Variants in RFX7 observed in about 807,000 individuals in gnomAD.
RFX7 encodes DNA-binding protein RFX7.
A neutral mutation model predicts 111.8 loss-of-function variants in RFX7; 26 were observed. The observed-to-expected ratio is 0.23, with a 90% CI of 0.17 to 0.32. The LOEUF (loss-of-function observed/expected upper bound fraction) is 0.32, where lower values mean the gene tolerates loss of function less well. Among genes scored for constraint, RFX7 ranks in the 10% least tolerant of loss-of-function variants. The pLI, the probability that RFX7 is intolerant of heterozygous loss-of-function variation, is 1.00. For synonymous variants in RFX7, 624 were observed against 624.4 expected (o/e 1.00, Z 0.01); for missense variants, 1,573 against 1,772.9 (o/e 0.89, Z 2.02).
chr15:56,217,862 T>C lies in RFX7; in HGVS notation c.161+25263A>G, dbSNP rs566102900. 4.5e-4 allele frequency among the ~76,000 whole-genome samples: 69 copies of C among 152,308 alleles called. No individual in the cohort carries two copies. The Middle Eastern group carries it at 0.01, about 23-fold the overall frequency. ...TTCACTCAATCGAGCCAATCTGTCGTGTTTTACCTTTGATTTTTATTAGTT... is the reference window on the plus strand; with the variant it reads ...TTCACTCAATCGAGCCAATCTGTCGCGTTTTACCTTTGATTTTTATTAGTT... On this transcript the variant is annotated intron_variant, in intron 2 of 9. Coordinates refer to ENST00000559447, the MANE Select transcript of RFX7 (RefSeq NM_022841.7).
At chr15:56,156,639 T>C (rs758792824) in intron 3 of RFX7, among the ~76,000 whole-genome samples, 18 of 151,044 alleles carry the variant, frequency 1.2e-4, no homozygotes, top group African/African-American at 2.0e-4. Flanking sequence ...GTCAACCTTA[T>C]TGGATATTTT....
intron 3 of RFX7, among the ~76,000 whole-genome samples, chr15:56,165,272 T>C (rs1186253830): frequency 5.3e-5 from 8 of 152,172 alleles, no homozygotes; most frequent in African/African-American, 9.7e-5. Context: ...AAGGATTACA[T>C]AATCAGTGTT....
At chr15:56,104,503 G>A (rs530118362) in intron 5 of RFX7, among the ~76,000 whole-genome samples, 1 of 152,306 alleles carries the variant, frequency 6.6e-6, no homozygotes, top group African/African-American at 2.4e-5. Context: ...CTCTCATTTA[G>A]CATCAACCAG....
chr15:56,109,981 G>A lies in RFX7; in HGVS notation c.402-6311C>T, dbSNP rs1254142913. Among the ~76,000 whole-genome samples, 9 of 130,356 alleles carry A rather than the reference G, an allele frequency of 6.9e-5. 1 individual carries two copies. Among genetic ancestry groups the A allele is most frequent in the South Asian group, 2.6e-4 (1 of 3,866 alleles). 85.5% of individuals were successfully genotyped at this position (130,356 alleles called of 152,430 possible). A position where few individuals can be genotyped will look rare whatever the true frequency, so the allele number is the denominator to read the frequency against. The stretch of plus-strand genomic sequence containing the variant: ...AGGGAGGTGGGGGGATCAGCCCCCT[G>A]CCCGGCCAGCCGCCCCGTCCGGGAG... On this transcript the variant is annotated intron_variant, in intron 5 of 9. Coordinates refer to ENST00000559447, the MANE Select transcript of RFX7 (RefSeq NM_022841.7).
chr15:56,244,118 A>C (rs1322732828), upstream of RFX7: 1 of 151,980 alleles, frequency 6.6e-6, no homozygotes, highest in South Asian at 2.1e-4. Flanking sequence ...CGTGAGGAGG[A>C]GGAGGAGAAA....
chr15:56,201,703 T>C (rs557803665), intron 2 of RFX7, among the ~76,000 whole-genome samples: 2 of 152,288 alleles, frequency 1.3e-5, no homozygotes, highest in African/African-American at 4.8e-5. Flanking sequence ...AAGCGATGTA[T>C]GGATAAGAAA....
At chr15:56,237,345 T>A (rs1319724415) in intron 2 of RFX7, among the ~76,000 whole-genome samples, 1 of 152,208 alleles carries the variant, frequency 6.6e-6, no homozygotes, top group African/African-American at 2.4e-5. Context: ...TGAATGGGCA[T>A]TCCTCAAATG....
intron 3 of RFX7, among the ~76,000 whole-genome samples, chr15:56,148,517 T>G (rs547574307): frequency 6.6e-6 from 1 of 152,300 alleles, no homozygotes; most frequent in African/African-American, 2.4e-5. Context: ...CTTTTGGAGG[T>G]TGAAGGTGGA....
chr15:56,223,198 C>T (rs1463418028), intron 2 of RFX7, among the ~76,000 whole-genome samples: 3 of 152,100 alleles, frequency 2.0e-5, no homozygotes, highest in African/African-American at 7.2e-5. Context: ...AAGAGACTGG[C>T]CCTGCACACG....
intron 2 of RFX7, 53 bp from the exon 3 acceptor site, chr15:56,179,356 G>A (rs1301503994): frequency 2.5e-6 from 2 of 810,076 alleles, no homozygotes; most frequent in Admixed American, 3.6e-5. Context: ...TTAACTATCT[G>A]CAATATTCTC....
intron 3 of RFX7, among the ~76,000 whole-genome samples, chr15:56,174,673 G>A (rs2042883794): frequency 6.6e-6 from 1 of 151,842 alleles, no homozygotes; most frequent in South Asian, 2.1e-4. Context: ...CTTGAACCTG[G>A]GAGACAGAAG....
intron 5 of RFX7, among the ~76,000 whole-genome samples, chr15:56,110,274 GGT>G (rs1304684402): frequency 9.0e-5 from 9 of 99,834 alleles, no homozygotes; most frequent in Non-Finnish European, 1.7e-4. Flanking sequence ...GGTGGGGGGG[GGT>G]CAGCCCCCCG....
intron 5 of RFX7, among the ~76,000 whole-genome samples, chr15:56,112,379 C>CTAAAAAA (rs2041950257): frequency 1.4e-5 from 1 of 71,768 alleles, no homozygotes; most frequent in Non-Finnish European, 2.6e-5. Flanking sequence ...GAGTACAAAT[C>CTAAAAAA]AAAAAAAAAA....
chr15:56,135,442 AC>A (rs2042286564), intron 5 of RFX7, among the ~76,000 whole-genome samples: 1 of 151,590 alleles, frequency 6.6e-6, no homozygotes, highest in African/African-American at 2.4e-5. Flanking sequence ...CATGTCCTTC[AC>A]CCACTTTTTG....
chr15:56,179,679 T>G (rs951453668), intron 2 of RFX7, among the ~76,000 whole-genome samples: 3 of 151,816 alleles, frequency 2.0e-5, no homozygotes, highest in Non-Finnish European at 4.4e-5. Flanking sequence ...GCTTAGCACT[T>G]AAAAGTCATA....
At chr15:56,110,149 A>C in intron 5 of RFX7, among the ~76,000 whole-genome samples, 1 of 122,774 alleles carries the variant, frequency 8.1e-6, no homozygotes, top group Admixed American at 8.0e-5. Context: ...TGGGGGGGTC[A>C]GCCCCCCGCC....
In RFX7 at chr15:56,224,467, TTGTGTG is replaced by T. The variant is rs58795247; in HGVS notation, c.161+18652_161+18657del. Among the ~76,000 whole-genome samples the T allele has an allele frequency of 2.7e-5, 4 of 147,306 alleles. No individual in the cohort carries two copies. The South Asian group carries it at 6.6e-4, about 24-fold the overall frequency. On this transcript the variant is annotated intron_variant, in intron 2 of 9. Coordinates refer to ENST00000559447, the MANE Select transcript of RFX7 (RefSeq NM_022841.7). Reference sequence around the variant, plus strand: ...ACTCTCTTTTGCCAAGATTAGGATTTTGTGTGTGTGTGTGTGTGTGTGTGTGTGCAG... The same window carrying T: ...ACTCTCTTTTGCCAAGATTAGGATTTTGTGTGTGTGTGTGTGTGTGTGCAG...
At chr15:56,155,335 T>A (rs1323375870) in intron 3 of RFX7, among the ~76,000 whole-genome samples, 2 of 152,146 alleles carry the variant, frequency 1.3e-5, no homozygotes, top group Non-Finnish European at 2.9e-5. Flanking sequence ...TGCGGCACTA[T>A]TCACAATAGC....
intron 3 of RFX7, among the ~76,000 whole-genome samples, chr15:56,177,676 C>T (rs1482413518): frequency 1.3e-5 from 2 of 152,084 alleles, no homozygotes; most frequent in African/African-American, 4.8e-5. Flanking sequence ...AGTGAGTGAT[C>T]CTCCAAAGTT....
Sources: allele counts gnomAD v4.1 joint callset (sites outside exome capture counted in the v4.1 genomes callset), GRCh38; gene constraint gnomAD v4.1.1; transcripts MANE v1.5; gene names NCBI Gene and HGNC (gene_info 2026-07-23, HGNC 2026-07-21).